Variants in ABCA10 observed in about 807,000 individuals in gnomAD.
ABCA10 encodes the protein ATP-binding cassette sub-family A member 10.
ABCA10 carries 169 observed loss-of-function variants against 187.5 expected under a neutral mutation model. That is an observed-to-expected ratio of 0.90 (90% confidence interval 0.80 to 1.02). The LOEUF (loss-of-function observed/expected upper bound fraction) is 1.02. Ranked by LOEUF, ABCA10 falls within the 50% of genes least tolerant of loss-of-function variation. ABCA10 has a pLI of 0.00. For missense variants in ABCA10, 1,727 were observed against 1,812.4 expected (o/e 0.95, Z 0.86); for synonymous variants, 574 against 601.8 (o/e 0.95, Z 0.68).
intron 1 of ABCA10, among the ~76,000 whole-genome samples, chr17:69,235,667 T>A: frequency 6.6e-6 from 1 of 152,074 alleles, no homozygotes; most frequent in African/African-American, 2.4e-5. Context: ...GGTCAGAGTT[T>A]CACTCTTTTT....
intron 10 of ABCA10, among the ~76,000 whole-genome samples, chr17:69,197,410 G>T (rs1259783662): frequency 2.0e-5 from 3 of 151,998 alleles, no homozygotes; most frequent in South Asian, 4.2e-4. Context: ...AAGAAGGAAG[G>T]GAGCGAAAGA....
At chr17:69,152,557 T>C in intron 34 of ABCA10, 76 bp from the exon 35 acceptor site, 1 of 1,524,184 alleles carries the variant, frequency 6.6e-7, no homozygotes, top group Non-Finnish European at 8.8e-7. Context: ...AAGCAGGAAA[T>C]CTAAAGAGAA....
chr17:69,184,804 C>G (rs1286673398), intron 20 of ABCA10, among the ~76,000 whole-genome samples: 1 of 151,418 alleles, frequency 6.6e-6, no homozygotes, highest in African/African-American at 2.4e-5. Context: ...AGCCCAAGTG[C>G]CCATCCATCA....
intron 22 of ABCA10, among the ~76,000 whole-genome samples, chr17:69,176,875 G>A (rs541208331): frequency 6.6e-6 from 1 of 152,228 alleles, no homozygotes; most frequent in East Asian, 1.9e-4. Context: ...GATAAAGGGG[G>A]ACTACTGTAC....
chr17:69,154,933 A>G, intron 30 of ABCA10, 86 bp downstream of exon 30: 1 of 894,752 alleles, frequency 1.1e-6, no homozygotes, highest in Non-Finnish European at 1.7e-6. Flanking sequence ...AACAGTCTCA[A>G]TGAATAAAAA....
intron 22 of ABCA10, 84 bp from the exon 23 acceptor site, chr17:69,175,597 G>A: frequency 2.7e-6 from 3 of 1,120,028 alleles, no homozygotes; most frequent in South Asian, 1.7e-5. Flanking sequence ...AGGAAATAAA[G>A]AAAAACTCTA....
chr17:69,194,298 C>A, intron 12 of ABCA10, 87 bp downstream of exon 12: 1 of 1,129,350 alleles, frequency 8.9e-7, no homozygotes, highest in Non-Finnish European at 1.3e-6. Context: ...TGTAACAAGT[C>A]CAATTTAGAG....
At chr17:69,154,039 C>T (rs1369553007) in intron 31 of ABCA10, 30 bp from the exon 32 acceptor site, 4 of 1,599,022 alleles carry the variant, frequency 2.5e-6, no homozygotes, top group East Asian at 2.2e-5. Context: ...TCAGATTCAC[C>T]TTTGGTTTTT....
In ABCA10 at chr17:69,222,513, A is replaced by G. The variant is rs1457537338; in HGVS notation, c.199+20T>C. ...CATGAAGTATCAAAAAAAAATTATA[A>G]TCAGTTTTTTTATAGTTACCTGTGT... On this transcript the variant is annotated intron_variant, in intron 4 of 38. Coordinates refer to ENST00000690296, the MANE Select transcript of ABCA10 (RefSeq NM_001377321.1). 6.6e-7 allele frequency: 1 copy of G among 1,506,676 alleles called. No homozygotes were observed. Among genetic ancestry groups the G allele is most frequent in the Non-Finnish European group, 8.8e-7 (1 of 1,134,464 alleles). The allele number at this position is 1,506,676 out of a possible 1,614,324, so 93.3% of individuals were successfully genotyped here. A position where few individuals can be genotyped will look rare whatever the true frequency, so the allele number is the denominator to read the frequency against.
At chr17:69,225,624 T>C (rs1438662576) in intron 2 of ABCA10, 95 bp from the exon 3 acceptor site, 3 of 388,484 alleles carry the variant, frequency 7.7e-6, no homozygotes, top group Admixed American at 8.9e-5. Context: ...TGTATTGCCA[T>C]TGAGCATGAC....
chr17:69,157,473 G>A (rs1281293404), intron 27 of ABCA10, among the ~76,000 whole-genome samples: 2 of 152,158 alleles, frequency 1.3e-5, no homozygotes, highest in Non-Finnish European at 2.9e-5. Context: ...ATTGCCTTGA[G>A]TGCTCATCAT....
intron 9 of ABCA10, 142 bp from the exon 10 acceptor site, chr17:69,201,810 A>G: frequency 1.4e-6 from 1 of 710,500 alleles, no homozygotes; most frequent in Non-Finnish European, 2.1e-6. Flanking sequence ...TTTTTGAGAC[A>G]GTCACGCTCT....
chr17:69,216,761 C>T (rs2074708838), intron 6 of ABCA10, among the ~76,000 whole-genome samples: 3 of 152,146 alleles, frequency 2.0e-5, no homozygotes, highest in East Asian at 1.9e-4. Context: ...ACAATCTCCC[C>T]TTTAAACTTC....
chr17:69,150,046 G>A lies in ABCA10; in HGVS notation c.4415C>T (p.Ala1472Val), dbSNP rs1213151138. 5.0e-6 allele frequency: 8 copies of A among 1,612,362 alleles called. No homozygotes were observed. The highest frequency in any genetic ancestry group is 4.0e-5 in the African/African-American group (3 of 75,000). Residue 1472 changes from alanine to valine, a missense_variant, in exon 37 of 39, where the codon GCG becomes GTG. Physicochemically the swap from Ala to Val is moderately conservative, Grantham distance 64. Coordinates refer to ENST00000690296, the MANE Select transcript of ABCA10 (RefSeq NM_001377321.1). ...GACATCCTCCACAGGTAACTTATAC[G>A]CCATTAAAGAGGAATATCTGTCAGG... The part of the protein sequence containing the change: ...AWQERYSSLM[A>V]YKLPVEDVHP...
At chr17:69,232,387 T>C (rs1224265360), upstream of ABCA10, among the ~76,000 whole-genome samples, 4 of 152,204 alleles carry the variant, frequency 2.6e-5, no homozygotes, top group East Asian at 1.9e-4. Context: ...GTATTTTTAA[T>C]ATATCTATTA....
At chr17:69,240,071 C>T (rs1043554044) in intron 1 of ABCA10, among the ~76,000 whole-genome samples, 1 of 152,164 alleles carries the variant, frequency 6.6e-6, no homozygotes, top group Non-Finnish European at 1.5e-5. Context: ...CATTAAAAAT[C>T]CTTTAGGCCA....
At chr17:69,228,383 C>A (rs1386857886) in intron 1 of ABCA10, among the ~76,000 whole-genome samples, 198 bp downstream of exon 1, 1 of 151,846 alleles carries the variant, frequency 6.6e-6, no homozygotes, top group Admixed American at 6.6e-5. Context: ...AGCCATCTTT[C>A]ATTTATCACA....
chr17:69,162,941 G>A (rs4577157), intron 27 of ABCA10, among the ~76,000 whole-genome samples: 112,372 of 151,170 alleles, frequency 0.74, 42,266 homozygotes, highest in African/African-American at 0.83. Context: ...TGGCTCAATC[G>A]ATTCTCCTGC....
upstream of ABCA10, chr17:69,228,958 T>G (rs1406010071): frequency 6.6e-6 from 1 of 152,048 alleles, no homozygotes; most frequent in Non-Finnish European, 1.5e-5. Flanking sequence ...ATTGCATGAC[T>G]TTTAATAATT....
Sources: gnomAD v4.1 joint callset for allele counts (sites outside exome capture counted in the v4.1 genomes callset) on GRCh38, gnomAD v4.1.1 for gene constraint, MANE v1.5 for transcripts, NCBI Gene and HGNC (gene_info 2026-07-23, HGNC 2026-07-21) for gene names.